Variants in FRMPD4 observed in about 807,000 individuals in gnomAD.
FRMPD4 encodes FERM and PDZ domain-containing protein 4.
Under a neutral mutation model 94.1 loss-of-function variants are expected in FRMPD4, and 22 were observed. That is an observed-to-expected ratio of 0.23 (90% CI 0.17 to 0.33). The LOEUF (loss-of-function observed/expected upper bound fraction) is 0.33. Ranked by LOEUF, FRMPD4 falls within the 10% of genes least tolerant of loss-of-function variation. The probability of loss-of-function intolerance (pLI) is 1.00; values close to 1 mark genes in which losing one functional copy is unlikely to be tolerated. For synonymous variants in FRMPD4, 631 were observed against 548.6 expected (o/e 1.15, Z -2.10); for missense variants, 1,111 against 1,339.9 (o/e 0.83, Z 2.67).
intron 1 of FRMPD4, among the ~76,000 whole-genome samples, chrX:12,294,485 C>CACACACACACACACACACAG (rs34874624): frequency 0.012 from 1,140 of 92,073 alleles, 13 homozygotes; most frequent in African/African-American, 0.033. Flanking sequence ...CACACACACA[C>CACACACACACACACACACAG]AGAGAGAGAG....
chrX:12,168,857 C>T (rs1039792210), intron 1 of FRMPD4, among the ~76,000 whole-genome samples: 3 of 111,338 alleles, frequency 2.7e-5, no homozygotes, highest in African/African-American at 9.8e-5. Context: ...CATTTCCTGA[C>T]CTCGTGATCT....
At chrX:11,906,115 T>TTTTTTTTA (rs1555913026) in intron 3 of FRMPD4, among the ~76,000 whole-genome samples, 7 of 88,247 alleles carry the variant, frequency 7.9e-5, no homozygotes, top group Middle Eastern at 5.5e-3. Flanking sequence ...TTTCCCTTCA[T>TTTTTTTTA]TTTATTTATT....
rs1163792766 is a variant in FRMPD4 at position 12,722,539 on chromosome X, A to T, written c.*681A>T. 8.9e-6 allele frequency: 1 copy of T among 111,805 alleles called. No homozygotes were observed. The highest frequency in any genetic ancestry group is 2.8e-4 in the East Asian group (1 of 3,595). 9.2% of individuals were successfully genotyped at this position (111,805 alleles called of 1,213,427 possible). On this transcript the variant is annotated 3_prime_UTR_variant, in exon 17 of 17. Coordinates refer to ENST00000675598, the MANE Select transcript of FRMPD4 (RefSeq NM_001368397.1). ...CACAAATGCTCTTCACAGTGGTTCT[A>T]GCATTTAAAAAACTTCCCGGGGAGA...
At chrX:12,298,750 G>A (rs1429303024) in intron 1 of FRMPD4, among the ~76,000 whole-genome samples, 1 of 112,226 alleles carries the variant, frequency 8.9e-6, no homozygotes, top group Non-Finnish European at 1.9e-5. Flanking sequence ...TTGGGCAGGG[G>A]TTAGTGTAAA....
At chrX:11,882,784 C>T (rs1041151689) in intron 3 of FRMPD4, among the ~76,000 whole-genome samples, 28 of 111,144 alleles carry the variant, frequency 2.5e-4, no homozygotes, top group Admixed American at 2.4e-3. Context: ...AATATTCAAC[C>T]TGTAGTAGAT....
intron 3 of FRMPD4, among the ~76,000 whole-genome samples, chrX:12,063,439 C>A (rs1401024020): frequency 8.9e-6 from 1 of 112,373 alleles, no homozygotes; most frequent in Non-Finnish European, 1.9e-5. Flanking sequence ...TCTTAAAGAA[C>A]AAATATTGAA....
At chrX:12,232,480 A>G (rs6640941) in intron 1 of FRMPD4, among the ~76,000 whole-genome samples, 19,457 of 110,295 alleles carry the variant, frequency 0.18, 1,656 homozygotes, top group East Asian at 0.53. Flanking sequence ...AGCTGCCCCC[A>G]TGATTCAATT....
intron 2 of FRMPD4, among the ~76,000 whole-genome samples, chrX:12,559,726 A>G (rs1198918406): frequency 9.0e-6 from 1 of 111,338 alleles, no homozygotes; most frequent in East Asian, 2.8e-4. Context: ...ACATAATAAA[A>G]TATTTTTATT....
At chrX:12,163,821 A>C (rs926465368) in intron 1 of FRMPD4, among the ~76,000 whole-genome samples, 2 of 112,017 alleles carry the variant, frequency 1.8e-5, no homozygotes, top group Non-Finnish European at 3.8e-5. Context: ...ATCATCAAGA[A>C]TGAGAGGTAG....
At chrX:11,942,778 G>A (rs1161835699) in intron 3 of FRMPD4, among the ~76,000 whole-genome samples, 2 of 111,449 alleles carry the variant, frequency 1.8e-5, no homozygotes, top group Non-Finnish European at 3.8e-5. Flanking sequence ...GCAATGTTGT[G>A]CGACTGTCAG....
intron 2 of FRMPD4, among the ~76,000 whole-genome samples, chrX:12,559,599 G>A (rs58747511): frequency 0.03 from 3,167 of 105,497 alleles, 126 homozygotes; most frequent in African/African-American, 0.11. Flanking sequence ...GCAGTGAGCC[G>A]AGATAGTGCC....
At chrX:12,205,723 T>A (rs182663733) in intron 1 of FRMPD4, among the ~76,000 whole-genome samples, 347 of 112,248 alleles carry the variant, frequency 3.1e-3, no homozygotes, top group African/African-American at 0.011. Flanking sequence ...GGGAAGCTGT[T>A]AAATTATGCA....
intron 1 of FRMPD4, among the ~76,000 whole-genome samples, chrX:12,347,633 G>T (rs1569240770): frequency 9.0e-6 from 1 of 111,340 alleles, no homozygotes; most frequent in Non-Finnish European, 1.9e-5. Flanking sequence ...TTTTTGAGAA[G>T]AAATATTAAC....
intron 3 of FRMPD4, among the ~76,000 whole-genome samples, chrX:12,095,748 C>G (rs1405731211): frequency 2.7e-5 from 3 of 112,264 alleles, no homozygotes; most frequent in South Asian, 3.7e-4. Flanking sequence ...GTAATGTCCC[C>G]CTATGGGTCC....
chrX:12,451,245 C>G (rs1363878335), intron 1 of FRMPD4, among the ~76,000 whole-genome samples: 1 of 111,821 alleles, frequency 8.9e-6, no homozygotes, highest in Non-Finnish European at 1.9e-5. Flanking sequence ...GTTTTGCCTT[C>G]TTTTATTCAT....
intron 1 of FRMPD4, among the ~76,000 whole-genome samples, chrX:12,262,615 T>C (rs1216700154): frequency 8.9e-6 from 1 of 112,243 alleles, no homozygotes; most frequent in African/African-American, 3.2e-5. Context: ...ATTTGGACCA[T>C]AATAAGCACT....
intron 4 of FRMPD4, among the ~76,000 whole-genome samples, chrX:12,630,857 T>C (rs1372840850): frequency 8.9e-6 from 1 of 111,848 alleles, no homozygotes; most frequent in East Asian, 2.8e-4. Flanking sequence ...AACCCAAAAC[T>C]ATACAGAGTT....
rs1439313236 is a variant in FRMPD4 at position 12,690,343 on chromosome X, C to T, written c.813+17C>T. The T allele has an allele frequency of 8.3e-7, 1 of 1,199,138 alleles. No individual in the cohort carries two copies. The highest frequency in any genetic ancestry group is 1.1e-6 in the Non-Finnish European group (1 of 887,538). On this transcript the variant is annotated intron_variant, in intron 8 of 16. Transcript: ENST00000675598. ...CTAACTCAGGTCTGTGAAATCTCAC[C>T]CTCAAGTGATGAGGCTGCAGGTTAG...
At chrX:11,830,513 C>T (rs376224672) in intron 1 of FRMPD4, among the ~76,000 whole-genome samples, 1 of 111,918 alleles carries the variant, frequency 8.9e-6, no homozygotes, top group South Asian at 3.8e-4. Flanking sequence ...TGTTTGACTA[C>T]AGCACTTTTT....
Sources: gnomAD v4.1 joint callset for allele counts (sites outside exome capture counted in the v4.1 genomes callset) on GRCh38, gnomAD v4.1.1 for gene constraint, MANE v1.5 for transcripts, NCBI Gene and HGNC (gene_info 2026-07-23, HGNC 2026-07-21) for gene names.